Variants in TAAR2 observed in about 807,000 individuals in gnomAD.
TAAR2 encodes trace amine associated receptor 2, also known as trace amine-associated receptor 2.
A neutral mutation model predicts 25.5 loss-of-function variants in TAAR2; 30 were observed. The observed-to-expected ratio is 1.18, with a 90% confidence interval of 0.88 to 1.60. The LOEUF is 1.60. TAAR2 is among the 40% of genes most tolerant of loss of function. The pLI is 0.00. For missense variants in TAAR2, 481 were observed against 416.5 expected (o/e 1.15, Z -1.35); for synonymous variants, 150 against 142.4 (o/e 1.05, Z -0.38).
chr6:132,617,850 T>C lies in TAAR2; in HGVS notation c.356A>G (p.Tyr119Cys). The change falls in exon 2 of 2, where the codon TAT (tyrosine) becomes TGT (cysteine). Residue 119 changes from tyrosine to cysteine, a missense_variant. Tyr to Cys is a radical substitution (Grantham distance 194, BLOSUM62 -2). Coordinates refer to ENST00000367931, the MANE Select transcript of TAAR2 (RefSeq NM_001033080.1). ...GCTAAGCATCAGGTCAAAACTATAA[T>C]AAATCTTGCAAAATGTAAGCCCAAA... ...WYFGLTFCKI[Y>C]YSFDLMLSIT... 1 of 1,614,036 alleles carries C rather than the reference T, an allele frequency of 6.2e-7. No individual in the cohort carries two copies.
chr6:132,619,541 A>G (rs749863264), intron 1 of TAAR2, among the ~76,000 whole-genome samples: 2 of 152,202 alleles, frequency 1.3e-5, no homozygotes, highest in Non-Finnish European at 2.9e-5. Flanking sequence ...CAAAGAGAGT[A>G]AGACATTTTT....
intron 1 of TAAR2, 27 bp downstream of exon 1, chr6:132,624,189 A>G (rs759684419): frequency 1.9e-5 from 31 of 1,609,988 alleles, no homozygotes; most frequent in Non-Finnish European, 2.5e-5. Flanking sequence ...TACTGGTTTA[A>G]ACTTAGTCAT....
Position 132,617,166 on chromosome 6 carries a change from T to C in TAAR2, c.1040A>G (p.Gln347Arg), listed in dbSNP as rs1165436258. ...AGAAAAAGCCTACTCACTTTCTTTT[T>C]GCATACACAAAATAGTATTATGGAA... is the stretch of plus-strand genomic sequence containing the variant. ...SCFHNTILCM[Q>R]KESE is the part of the protein sequence containing the mutation. Residue 347 changes from glutamine (Q) to arginine (R), a missense_variant, in exon 2 of 2, where the codon CAA (glutamine) becomes CGA (arginine). By Grantham distance (43) the Gln-to-Arg change is conservative. Coordinates refer to ENST00000367931, the MANE Select transcript of TAAR2 (RefSeq NM_001033080.1). 1.3e-6 allele frequency: 2 copies of C among 1,580,180 alleles called. No homozygotes were observed. The highest frequency in any genetic ancestry group is 1.7e-6 in the Non-Finnish European group (2 of 1,169,748).
chr6:132,617,673 A>G lies in TAAR2; in HGVS notation c.533T>C (p.Val178Ala). Residue 178 changes from valine (V) to alanine (A), a missense_variant, in exon 2 of 2, where the codon GTG becomes GCG. Coordinates refer to ENST00000367931, the MANE Select transcript of TAAR2 (RefSeq NM_001033080.1). ...WSVPGAFAFG[V>A]VFSEAYADGI... ...ATCTGCATAGGCCTCTGAGAAGACC[A>G]CCCCGAAGGCAAATGCTCCAGGGAC... is the stretch of plus-strand genomic sequence containing the variant. 2 of 1,613,898 alleles carry G rather than the reference A, an allele frequency of 1.2e-6. No individual in the cohort carries two copies. Among genetic ancestry groups the G allele is most frequent in the Non-Finnish European group, 1.7e-6 (2 of 1,179,970 alleles).
intron 1 of TAAR2, among the ~76,000 whole-genome samples, chr6:132,623,452 C>T (rs1009768038): frequency 6.6e-5 from 10 of 152,180 alleles, no homozygotes; most frequent in African/African-American, 1.9e-4. Flanking sequence ...CAGCAATCGA[C>T]GGCATTATCA....
intron 1 of TAAR2, among the ~76,000 whole-genome samples, chr6:132,619,636 G>A (rs1157672470): frequency 4.6e-5 from 7 of 152,190 alleles, no homozygotes; most frequent in African/African-American, 1.4e-4. Flanking sequence ...CTACAATGCA[G>A]CTGAAGAGAC....
chr6:132,617,977 G>A lies in TAAR2; in HGVS notation c.229C>T (p.Pro77Ser). ...SISYFKQLHT[P>S]TNFLILSMAI... Reference sequence around the variant, plus strand: ...ATGGAGAGGATGAGGAAGTTGGTTGGTGTGTGAAGCTGCTTGAAGTAGGAA... The same window carrying A: ...ATGGAGAGGATGAGGAAGTTGGTTGATGTGTGAAGCTGCTTGAAGTAGGAA... The change falls in exon 2 of 2, where the codon CCA becomes TCA. Residue 77 changes from proline to serine, a missense_variant. Coordinates refer to ENST00000367931, the MANE Select transcript of TAAR2 (RefSeq NM_001033080.1). The A allele has an allele frequency of 1.2e-6, 2 of 1,614,044 alleles. No homozygotes were observed. The highest frequency in any genetic ancestry group is 1.7e-4 in the Middle Eastern group (1 of 6,060).
rs140760185 is a variant in TAAR2, at chr6:132,623,359, G to A, written c.60+857C>T. Among the ~76,000 whole-genome samples the A allele has an allele frequency of 4.2e-3, 632 of 152,228 alleles. 4 individuals are homozygous for A. The highest frequency in any genetic ancestry group is 9.7e-3 in the South Asian group (47 of 4,822). ...GCCTTTTATTACAAATTCATATTAA[G>A]TCCTGCACCTTCCACAATCTTCCAC... On this transcript the variant is annotated intron_variant, in intron 1 of 1. Transcript: ENST00000367931.
rs1430925198 is a variant in TAAR2 at position 132,617,899 on chromosome 6, T to A, written c.307A>T (p.Arg103Ter). 1.9e-6 allele frequency: 3 copies of A among 1,614,090 alleles called. No homozygotes were observed. The highest frequency in any genetic ancestry group is 2.2e-5 in the East Asian group (1 of 44,830). Residue 103 changes from arginine (R) to a stop codon, truncating the protein, a stop_gained, in exon 2 of 2, where the codon AGA becomes TGA. Coordinates refer to ENST00000367931, the MANE Select transcript of TAAR2 (RefSeq NM_001033080.1). LOFTEE classifies it high-confidence loss of function. Reference protein sequence around the residue: ...GFTIMPYSMIRSVENCWYFGL... With the variant: ...GFTIMPYSMI ...AAATACCAGCAGTTCTCCACCGATC[T>A]GATCATACTATATGGCATGATGGTG... is the stretch of plus-strand genomic sequence containing the variant.
In TAAR2 at chr6:132,617,627, G is replaced by C; in HGVS notation, c.579C>G (p.Ile193Met). ...AYADGIEGYD[I>M]LVACSSSCPV... ...GGCAGGAACTGGAACAAGCAACCAAGATGTCATAGCCCTCTATTCCATCTG... is the reference window on the plus strand; with the variant it reads ...GGCAGGAACTGGAACAAGCAACCAACATGTCATAGCCCTCTATTCCATCTG... Residue 193 changes from isoleucine to methionine, a missense_variant, in exon 2 of 2, where the codon ATC (isoleucine) becomes ATG (methionine). Physicochemically the swap from Ile to Met is conservative, Grantham distance 10. Transcript: ENST00000367931. 2 of 1,613,996 alleles carry C rather than the reference G, an allele frequency of 1.2e-6. No homozygotes were observed. Among genetic ancestry groups the C allele is most frequent in the East Asian group, 2.2e-5 (1 of 44,818 alleles).
At chr6:132,622,775 C>T (rs1289745273) in intron 1 of TAAR2, among the ~76,000 whole-genome samples, 1 of 152,086 alleles carries the variant, frequency 6.6e-6, no homozygotes, top group Non-Finnish European at 1.5e-5. Flanking sequence ...TGAGCCACCA[C>T]ACCCTGCCTA....
intron 1 of TAAR2, 95 bp downstream of exon 1, chr6:132,624,121 G>A: frequency 1.7e-6 from 2 of 1,161,964 alleles, no homozygotes; most frequent in South Asian, 1.3e-5. Flanking sequence ...GAGGAATTGA[G>A]CATAATTATT....
Position 132,618,037 on chromosome 6 carries a change from TG to T in TAAR2, c.168del (p.Thr57GlnfsTer8), listed in dbSNP as rs1349186103. 1.2e-6 allele frequency: 2 copies of T among 1,613,928 alleles called. No homozygotes were observed. Among genetic ancestry groups the T allele is most frequent in the Non-Finnish European group, 1.7e-6 (2 of 1,179,972 alleles). ...MYSFMAGSIF[I>X]TIFGNLAMII... The stretch of plus-strand genomic sequence containing the variant: ...ATCATGGCAAGATTGCCAAATATTG[TG>T]ATGAATATGGATCCTGCCATAAATG... On this transcript the variant is annotated frameshift_variant, in exon 2 of 2. Transcript: ENST00000367931. LOFTEE classifies it high-confidence loss of function.
At chr6:132,622,886 A>G (rs1048513972) in intron 1 of TAAR2, among the ~76,000 whole-genome samples, 3 of 152,044 alleles carry the variant, frequency 2.0e-5, no homozygotes, top group African/African-American at 7.2e-5. Flanking sequence ...CAAGCTGTTG[A>G]TTTCTTTTGA....
chr6:132,617,770 A>G lies in TAAR2; in HGVS notation c.436T>C (p.Cys146Arg). ...TTGGTGGAATAAAGTAATGGGTAAC[A>G]TATAGCATAAAATCTATCAATGGCC... ...SVAIDRFYAI[C>R]YPLLYSTKIT... is the part of the protein sequence containing the mutation. Residue 146 changes from cysteine (C) to arginine (R), a missense_variant, in exon 2 of 2, where the codon TGT becomes CGT. Cys to Arg is a radical substitution (Grantham distance 180). Coordinates refer to ENST00000367931, the MANE Select transcript of TAAR2 (RefSeq NM_001033080.1). 1 of 1,614,106 alleles carries G rather than the reference A, an allele frequency of 6.2e-7. No homozygotes were observed. The highest frequency in any genetic ancestry group is 8.5e-7 in the Non-Finnish European group (1 of 1,179,998).
chr6:132,623,276 G>A (rs1562196281), intron 1 of TAAR2, among the ~76,000 whole-genome samples: 3 of 152,136 alleles, frequency 2.0e-5, no homozygotes, highest in Non-Finnish European at 4.4e-5. Context: ...TTCTTCCCAG[G>A]AAACTTGTTA....
At chr6:132,623,973 C>G (rs1367211193) in intron 1 of TAAR2, among the ~76,000 whole-genome samples, 4 of 152,104 alleles carry the variant, frequency 2.6e-5, no homozygotes, top group Non-Finnish European at 5.9e-5. Context: ...TGTCCTCCAT[C>G]ATTTCAGAAA....
At position 132,617,912 on chromosome 6, in the gene TAAR2, T is replaced by C. The variant is rs567130193; in HGVS notation, c.294A>G (p.Pro98=). 4.1e-4 allele frequency: 666 copies of C among 1,614,062 alleles called. 6 individuals are homozygous for C. The South Asian group carries it at 6.8e-3, about 16-fold the overall frequency. The change falls in exon 2 of 2, where the codon CCA becomes CCG. Residue 98 remains proline (P), a synonymous_variant. Transcript: ENST00000367931. ...TCTCCACCGATCTGATCATACTATA[T>C]GGCATGATGGTGAATCCCAGGAGGA... ...TDFLLGFTIM[P]YSMIRSVENC...
intron 1 of TAAR2, among the ~76,000 whole-genome samples, chr6:132,622,742 C>T (rs1211823631): frequency 6.6e-6 from 1 of 152,156 alleles, no homozygotes; most frequent in African/African-American, 2.4e-5. Flanking sequence ...CCTTGGCCTC[C>T]CAAAGTTCTG....
Sources: gnomAD v4.1 joint callset for allele counts (sites outside exome capture counted in the v4.1 genomes callset) on GRCh38, gnomAD v4.1.1 for gene constraint, MANE v1.5 for transcripts, NCBI Gene and HGNC (gene_info 2026-07-23, HGNC 2026-07-21) for gene names.